Variants in PCSK5 observed in about 807,000 individuals in gnomAD.
PCSK5 encodes prohormone convertase 5.
A neutral mutation model predicts 233.2 loss-of-function variants in PCSK5; 129 were observed. That is an observed-to-expected ratio of 0.55 (90% CI 0.48 to 0.64). The LOEUF is 0.64. Among genes scored for constraint, PCSK5 ranks in the 30% least tolerant of loss-of-function variants. The pLI is 0.00. For missense variants in PCSK5, 2,076 were observed against 2,430.1 expected (o/e 0.85, Z 3.06); for synonymous variants, 825 against 879.2 (o/e 0.94, Z 1.09).
chr9:76,292,357 A>G, intron 25 of PCSK5, 82 bp downstream of exon 25: 1 of 898,540 alleles, frequency 1.1e-6, no homozygotes, highest in Non-Finnish European at 1.9e-6. Context: ...CAGCGATTAA[A>G]GCAAAGTGGC....
intron 1 of PCSK5, among the ~76,000 whole-genome samples, chr9:75,927,480 C>T (rs1212116029): frequency 6.6e-6 from 1 of 152,118 alleles, no homozygotes; most frequent in Non-Finnish European, 1.5e-5. Flanking sequence ...ACTGAAAAAT[C>T]CTGTGTCCCA....
In PCSK5 at chr9:76,328,058, C is replaced by T; in HGVS notation, c.4389C>T (p.Thr1463=). The change falls in exon 33 of 38, where the codon ACC becomes ACT. Residue 1463 remains threonine, a synonymous_variant. Coordinates refer to ENST00000674117, the MANE Select transcript of PCSK5 (RefSeq NM_001372043.1). ...GCTCATCATCTGGGACCTGCACCAC[C>T]TGTCAGAAAGGCCTGATCATGAACC... ...LTCSSSGTCT[T]CQKGLIMNPR... is the part of the protein sequence containing the mutation. The T allele has an allele frequency of 6.2e-7, 1 of 1,612,878 alleles. No individual in the cohort carries two copies. Among genetic ancestry groups the T allele is most frequent in the Non-Finnish European group, 8.5e-7 (1 of 1,179,828 alleles).
chr9:76,295,896 T>C (rs1327556165), intron 26 of PCSK5, among the ~76,000 whole-genome samples: 1 of 152,206 alleles, frequency 6.6e-6, no homozygotes, highest in Non-Finnish European at 1.5e-5. Context: ...AAGAGGATAA[T>C]AGCCCAATGC....
At chr9:75,930,693 C>T (rs543672558) in intron 1 of PCSK5, among the ~76,000 whole-genome samples, 19 of 152,238 alleles carry the variant, frequency 1.2e-4, no homozygotes, top group South Asian at 2.1e-4. Context: ...TGTTCTGTGA[C>T]GATCTTCCTT....
At chr9:76,282,120 C>CTT (rs71372059) in intron 24 of PCSK5, among the ~76,000 whole-genome samples, 189 of 14,492 alleles carry the variant, frequency 0.013, 85 homozygotes, top group Non-Finnish European at 0.016. Context: ...CTTTTCTTTG[C>CTT]TTTTTTTTTT....
chr9:75,940,036 A>C (rs1372787165), intron 2 of PCSK5, among the ~76,000 whole-genome samples: 4 of 152,210 alleles, frequency 2.6e-5, no homozygotes, highest in Non-Finnish European at 5.9e-5. Context: ...TTAGAATTAG[A>C]GTTGATTTAG....
rs1317352993 is a variant in PCSK5, at chr9:75,891,557, A to ACC, written c.192+185_192+186insCC. On this transcript the variant is annotated intron_variant, in intron 1 of 37. Coordinates refer to ENST00000674117, the MANE Select transcript of PCSK5 (RefSeq NM_001372043.1). ...CACACACACACACACACACACACAC[A>ACC]CACACACCCCAGAGTTGCCGGGTCC... 1.0e-4 allele frequency among the ~76,000 whole-genome samples: 15 copies of ACC among 150,380 alleles called. No homozygotes were observed. In the East Asian group the frequency reaches 3.1e-3, roughly 31 times the overall value.
intron 24 of PCSK5, among the ~76,000 whole-genome samples, chr9:76,284,263 T>C (rs1039967867): frequency 3.9e-5 from 6 of 152,214 alleles, no homozygotes; most frequent in African/African-American, 1.4e-4. Context: ...TCATCTTGAA[T>C]TGTAGCTCCC....
At chr9:76,002,654 A>C (rs1587483374) in intron 3 of PCSK5, among the ~76,000 whole-genome samples, 1 of 152,210 alleles carries the variant, frequency 6.6e-6, no homozygotes, top group Non-Finnish European at 1.5e-5. Flanking sequence ...TTACAGCAAA[A>C]CATTGTGTCC....
intron 20 of PCSK5, chr9:76,195,243 C>G (rs947974369): frequency 3.3e-5 from 5 of 152,000 alleles, no homozygotes; most frequent in African/African-American, 1.2e-4. Flanking sequence ...CTTACGTGGA[C>G]AAATGCAAGC....
chr9:76,251,638 T>C (rs1375011946), intron 24 of PCSK5, among the ~76,000 whole-genome samples: 1 of 152,054 alleles, frequency 6.6e-6, no homozygotes. Flanking sequence ...ATATTCTCTT[T>C]GCTGATTCTG....
intron 35 of PCSK5, among the ~76,000 whole-genome samples, chr9:76,339,423 G>T (rs550859248): frequency 6.6e-6 from 1 of 151,966 alleles, no homozygotes; most frequent in East Asian, 1.9e-4. Flanking sequence ...GCATTGCATT[G>T]AATTTATTTT....
chr9:75,900,368 A>AT (rs1419172518), intron 1 of PCSK5, among the ~76,000 whole-genome samples: 1 of 152,104 alleles, frequency 6.6e-6, no homozygotes, highest in Non-Finnish European at 1.5e-5. Context: ...TGTAAATGAG[A>AT]GTTATTATAT....
chr9:76,022,438 G>C (rs926636552), intron 3 of PCSK5, among the ~76,000 whole-genome samples: 1 of 152,166 alleles, frequency 6.6e-6, no homozygotes, highest in African/African-American at 2.4e-5. Context: ...CCGATATGCT[G>C]AACTATTTGT....
chr9:76,357,526 A>G (rs940108378), intron 37 of PCSK5, among the ~76,000 whole-genome samples: 1 of 152,196 alleles, frequency 6.6e-6, no homozygotes. Flanking sequence ...CTCAAAAAAA[A>G]AAACTCTTAA....
At chr9:75,923,871 C>T (rs1439103329) in intron 1 of PCSK5, among the ~76,000 whole-genome samples, 4 of 152,134 alleles carry the variant, frequency 2.6e-5, no homozygotes, top group African/African-American at 7.2e-5. Flanking sequence ...CTACCATCTT[C>T]GGAGCCAGCA....
chr9:76,242,302 G>A (rs1826454478), intron 24 of PCSK5, among the ~76,000 whole-genome samples: 1 of 151,878 alleles, frequency 6.6e-6, no homozygotes, highest in South Asian at 2.1e-4. Flanking sequence ...AATTTATATT[G>A]TGGCTATCAC....
At chr9:76,117,654 T>C (rs142434185) in intron 9 of PCSK5, among the ~76,000 whole-genome samples, 120 of 152,266 alleles carry the variant, frequency 7.9e-4, no homozygotes, top group Non-Finnish European at 1.4e-3. Context: ...TCCATAATTT[T>C]TACATTCCTA....
intron 37 of PCSK5, among the ~76,000 whole-genome samples, chr9:76,357,795 A>G (rs1243702074): frequency 2.0e-5 from 3 of 152,198 alleles, no homozygotes; most frequent in Non-Finnish European, 4.4e-5. Flanking sequence ...CAAATGTCAA[A>G]CAACAAATTG....
Sources: allele counts gnomAD v4.1 joint callset (sites outside exome capture counted in the v4.1 genomes callset), GRCh38; gene constraint gnomAD v4.1.1; transcripts MANE v1.5; gene names NCBI Gene and HGNC (gene_info 2026-07-23, HGNC 2026-07-21).